ARMH3: variants seen among roughly 807,000 people sequenced by gnomAD.
The protein encoded by ARMH3 is armadillo like helical domain containing 3.
ARMH3 carries 60 observed loss-of-function variants against 99.1 expected under a neutral mutation model. The observed-to-expected ratio is 0.61, with a 90% CI of 0.49 to 0.75. ARMH3 has a LOEUF of 0.75. Among genes scored for constraint, ARMH3 ranks in the 30% least tolerant of loss-of-function variants. ARMH3 has a pLI of 0.00. For synonymous variants in ARMH3, 285 were observed against 292.8 expected (o/e 0.97, Z 0.27); for missense variants, 679 against 843.1 (o/e 0.81, Z 2.41).
intron 20 of ARMH3, among the ~76,000 whole-genome samples, chr10:101,970,593 A>G (rs1226851236): frequency 6.6e-6 from 1 of 152,156 alleles, no homozygotes; most frequent in Non-Finnish European, 1.5e-5. Context: ...AGGCCAAAGC[A>G]GGCAGATCAC....
chr10:101,949,912 G>A (rs1844714268), intron 22 of ARMH3, among the ~76,000 whole-genome samples: 1 of 152,106 alleles, frequency 6.6e-6, no homozygotes, highest in Non-Finnish European at 1.5e-5. Context: ...GGAAAACCAT[G>A]TAATCATGGC....
chr10:101,922,909 T>C (rs1843358941), intron 23 of ARMH3, among the ~76,000 whole-genome samples: 1 of 152,182 alleles, frequency 6.6e-6, no homozygotes, highest in Non-Finnish European at 1.5e-5. Context: ...ATTTTCATCA[T>C]ATGAAAATGG....
intron 23 of ARMH3, among the ~76,000 whole-genome samples, chr10:101,901,940 A>G (rs974881477): frequency 6.6e-6 from 1 of 152,242 alleles, no homozygotes; most frequent in East Asian, 1.9e-4. Flanking sequence ...AAGGAAAGAA[A>G]TATTACTAGG....
At chr10:101,951,083 G>A (rs2135777431) in intron 22 of ARMH3, among the ~76,000 whole-genome samples, 1 of 152,256 alleles carries the variant, frequency 6.6e-6, no homozygotes, top group South Asian at 2.1e-4. Flanking sequence ...AATACATTAA[G>A]ATAAATCTAA....
chr10:101,971,499 C>T (rs906792537), intron 20 of ARMH3, among the ~76,000 whole-genome samples: 13 of 151,840 alleles, frequency 8.6e-5, no homozygotes, highest in Non-Finnish European at 1.9e-4. Context: ...TGTTTGAACC[C>T]GCAATCACAC....
At chr10:101,848,313 C>G (rs1423097554) in intron 25 of ARMH3, among the ~76,000 whole-genome samples, 1 of 152,160 alleles carries the variant, frequency 6.6e-6, no homozygotes, top group African/African-American at 2.4e-5. Context: ...CTCACATACT[C>G]TCTACCCACA....
chr10:101,990,660 T>C (rs974931827), intron 18 of ARMH3, 49 bp from the exon 19 acceptor site: 1 of 1,476,312 alleles, frequency 6.8e-7, no homozygotes, highest in Non-Finnish European at 9.4e-7. Flanking sequence ...GGAATTCATT[T>C]CTTGTCTTTG....
intron 20 of ARMH3, among the ~76,000 whole-genome samples, chr10:101,964,949 T>A (rs1456696593): frequency 6.6e-6 from 1 of 152,000 alleles, no homozygotes; most frequent in Non-Finnish European, 1.5e-5. Flanking sequence ...GAGGCGGAAG[T>A]TGCAGTGAAC....
intron 20 of ARMH3, among the ~76,000 whole-genome samples, 163 bp downstream of exon 20, chr10:101,975,049 T>TAAAAAAAAAAAAAAAAAAAAA (rs11399489): frequency 2.4e-4 from 7 of 29,668 alleles, no homozygotes; most frequent in Admixed American, 4.3e-4. Flanking sequence ...AGCTAAAACG[T>TAAAAAAAAAAAAAAAAAAAAA]AAAAAAAAAA....
At chr10:101,997,941 G>A (rs1254738545) in intron 15 of ARMH3, among the ~76,000 whole-genome samples, 3 of 152,166 alleles carry the variant, frequency 2.0e-5, no homozygotes, top group Non-Finnish European at 4.4e-5. Flanking sequence ...GCATGCAGCA[G>A]GGGCTGAGGC....
Position 102,006,605 on chromosome 10 carries a change from G to T in ARMH3, c.983C>A (p.Thr328Asn), listed in dbSNP as rs1312369730. 6.2e-7 allele frequency: 1 copy of T among 1,614,058 alleles called. No individual in the cohort carries two copies. The highest frequency in any genetic ancestry group is 1.1e-5 in the South Asian group (1 of 91,082). The change falls in exon 14 of 26, where the codon ACC (threonine) becomes AAC (asparagine). Residue 328 changes from threonine to asparagine, a missense_variant. Around this residue, in one of 3 missense-constraint regions of ARMH3, gnomAD observed 389 missense variants for 456.5 expected, o/e 0.85. Transcript: ENST00000370033. The stretch of plus-strand genomic sequence containing the variant: ...GGTTGTAGGAGCAGGACTGACAGGG[G>T]TCGTCACCAAGCCCATTTCTGGATG... ...QSHPEMGLVT[T>N]PVSPAPTTPV...
At chr10:101,889,872 C>T (rs557475711) in intron 23 of ARMH3, 1 of 193,196 alleles carries the variant, frequency 5.2e-6, no homozygotes, top group Admixed American at 5.3e-5. Context: ...GAACAGGGCA[C>T]TCAGTAAAGC....
chr10:102,039,780 C>T (rs2067364190), intron 2 of ARMH3, among the ~76,000 whole-genome samples: 1 of 152,080 alleles, frequency 6.6e-6, no homozygotes, highest in South Asian at 2.1e-4. Context: ...AATTGTTTTA[C>T]CTGGCTCATG....
intron 20 of ARMH3, among the ~76,000 whole-genome samples, chr10:101,971,048 G>A (rs1311043420): frequency 7.4e-6 from 1 of 134,720 alleles, no homozygotes; most frequent in African/African-American, 2.8e-5. Flanking sequence ...AGTGAGCTGA[G>A]ACTGTGGCAC....
At chr10:101,991,678 G>A (rs1846802610) in intron 18 of ARMH3, among the ~76,000 whole-genome samples, 1 of 152,152 alleles carries the variant, frequency 6.6e-6, no homozygotes, top group Non-Finnish European at 1.5e-5. Flanking sequence ...ACTGCGCCCA[G>A]CCTGAAATCT....
chr10:101,878,580 A>C (rs1341002327), intron 24 of ARMH3, among the ~76,000 whole-genome samples: 1 of 151,976 alleles, frequency 6.6e-6, no homozygotes, highest in Non-Finnish European at 1.5e-5. Flanking sequence ...TCGAGGTTGC[A>C]GTCAGCTAGA....
intron 23 of ARMH3, among the ~76,000 whole-genome samples, chr10:101,915,043 G>A (rs1400782151): frequency 6.6e-6 from 1 of 152,016 alleles, no homozygotes; most frequent in Non-Finnish European, 1.5e-5. Context: ...ATTTGACATA[G>A]ATGGCTATTT....
chr10:102,035,292 G>T (rs1293162246), intron 2 of ARMH3, among the ~76,000 whole-genome samples: 1 of 152,188 alleles, frequency 6.6e-6, no homozygotes. Context: ...TTGAACCCGG[G>T]AGGTGGAGGT....
intron 15 of ARMH3, among the ~76,000 whole-genome samples, chr10:101,997,729 TTA>T (rs1309154469): frequency 4.6e-5 from 7 of 152,180 alleles, no homozygotes; most frequent in Non-Finnish European, 8.8e-5. Flanking sequence ...TTATTATACT[TTA>T]TAAGTTATGC....
Sources: allele counts gnomAD v4.1 joint callset (sites outside exome capture counted in the v4.1 genomes callset), GRCh38; gene constraint gnomAD v4.1.1; regional missense constraint gnomAD v4.1.1; transcripts MANE v1.5; gene names NCBI Gene and HGNC (gene_info 2026-07-23, HGNC 2026-07-21).